Variants in KCNH5 observed in about 807,000 individuals in gnomAD.
The protein encoded by KCNH5 is potassium voltage-gated channel subfamily H member 5, also known as voltage-gated delayed rectifier potassium channel KCNH5.
Under a neutral mutation model 96.1 loss-of-function variants are expected in KCNH5, and 46 were observed. The ratio of observed to expected loss-of-function variants is 0.48; its 90% CI spans 0.38 to 0.61. KCNH5 has a LOEUF of 0.61. Ranked by LOEUF, KCNH5 falls within the 20% of genes least tolerant of loss-of-function variation. The probability of loss-of-function intolerance (pLI) is 0.00; values close to 1 mark genes in which losing one functional copy is unlikely to be tolerated. For missense variants in KCNH5, 907 were observed against 1,225.8 expected, an observed-to-expected ratio of 0.74 and a Z score of 3.88; for synonymous variants, 439 against 449.8, an observed-to-expected ratio of 0.98 and a Z score of 0.30.
chr14:62,954,298 G>A (rs1431459759), intron 6 of KCNH5, among the ~76,000 whole-genome samples: 1 of 152,058 alleles, frequency 6.6e-6, no homozygotes, highest in Non-Finnish European at 1.5e-5. Context: ...GGGAGAATTC[G>A]ATATCCTTCC....
At chr14:62,928,127 G>C (rs541282168) in intron 7 of KCNH5, among the ~76,000 whole-genome samples, 7 of 152,154 alleles carry the variant, frequency 4.6e-5, no homozygotes, top group African/African-American at 1.7e-4. Context: ...AATTCCAATA[G>C]GAGACCAGTG....
chr14:62,917,146 T>C (rs1049346165), intron 7 of KCNH5, among the ~76,000 whole-genome samples: 2 of 152,218 alleles, frequency 1.3e-5, no homozygotes. Flanking sequence ...GACACTTTGA[T>C]TTGCCATAGT....
intron 2 of KCNH5, among the ~76,000 whole-genome samples, chr14:63,013,757 C>A (rs530101118): frequency 6.6e-6 from 1 of 151,854 alleles, no homozygotes; most frequent in African/African-American, 2.4e-5. Context: ...CTTTTTTTTA[C>A]TTGATAATAT....
chr14:62,819,904 T>G (rs1887079025), intron 8 of KCNH5, among the ~76,000 whole-genome samples: 1 of 152,262 alleles, frequency 6.6e-6, no homozygotes, highest in Non-Finnish European at 1.5e-5. Flanking sequence ...TAGGCAAATT[T>G]GATCAAAATT....
chr14:62,854,211 T>G (rs1394657902), intron 7 of KCNH5, among the ~76,000 whole-genome samples: 2 of 152,102 alleles, frequency 1.3e-5, no homozygotes, highest in Non-Finnish European at 1.5e-5. Flanking sequence ...CCCCTAGGAA[T>G]GCAAATTCCA....
At chr14:62,893,363 C>T (rs1222268225) in intron 7 of KCNH5, among the ~76,000 whole-genome samples, 1 of 152,212 alleles carries the variant, frequency 6.6e-6, no homozygotes, top group Non-Finnish European at 1.5e-5. Flanking sequence ...CAAGGAGTTG[C>T]TTCTTACGGA....
chr14:63,006,421 T>TTGCC lies in KCNH5; in HGVS notation c.245_248dup (p.Thr84AlafsTer4). On this transcript the variant is annotated frameshift_variant, in exon 3 of 11. Coordinates refer to ENST00000322893, the MANE Select transcript of KCNH5 (RefSeq NM_139318.5). LOFTEE classifies it high-confidence loss of function. ...AGTTTGATTCGTAGTTGTCAAAAGT[T>TTGCC]TGCCTGACTTTCTCAATGGTCTTCT... 1 of 1,613,310 alleles carries TTGCC rather than the reference T, an allele frequency of 6.2e-7. No individual in the cohort carries two copies. The highest frequency in any genetic ancestry group is 8.5e-7 in the Non-Finnish European group (1 of 1,179,520).
At chr14:62,924,670 A>G (rs1014867360) in intron 7 of KCNH5, among the ~76,000 whole-genome samples, 4 of 152,022 alleles carry the variant, frequency 2.6e-5, no homozygotes, top group Non-Finnish European at 5.9e-5. Context: ...TTGCAATAAC[A>G]TGGATGAACC....
intron 4 of KCNH5, among the ~76,000 whole-genome samples, chr14:62,996,976 T>A (rs1234826141): frequency 3.3e-5 from 5 of 152,236 alleles, no homozygotes; most frequent in Non-Finnish European, 7.3e-5. Flanking sequence ...GCCAATTATT[T>A]CTCTTTTGTT....
intron 7 of KCNH5, among the ~76,000 whole-genome samples, chr14:62,853,780 C>T (rs914553105): frequency 6.6e-6 from 1 of 151,632 alleles, no homozygotes; most frequent in Non-Finnish European, 1.5e-5. Context: ...GAGGCCAAGG[C>T]AGGCGATCAC....
rs1442675432 is a variant in KCNH5, at chr14:62,950,235, G to A, written c.1267C>T (p.Leu423Phe). ...PSKDSLYVSSLYFTMTSLTTI... is the reference protein window; with the variant it reads ...PSKDSLYVSSFYFTMTSLTTI... ...GTAAGGCTTGTCATGGTAAAGTAGA[G>A]AGAGGACACGTACAATGAATCCTTG... The change falls in exon 7 of 11, where the codon CTC becomes TTC. Residue 423 changes from leucine to phenylalanine, a missense_variant. By Grantham distance (22) the Leu-to-Phe change is conservative. This residue lies in a region of KCNH5 where 370 missense variants were observed against 561.3 expected (regional missense o/e 0.66). Transcript: ENST00000322893. The A allele has an allele frequency of 6.2e-7, 1 of 1,613,924 alleles. No homozygotes were observed. Among genetic ancestry groups the A allele is most frequent in the Non-Finnish European group, 8.5e-7 (1 of 1,179,920 alleles).
intron 7 of KCNH5, among the ~76,000 whole-genome samples, chr14:62,909,437 A>T (rs1889107328): frequency 6.6e-6 from 1 of 152,222 alleles, no homozygotes; most frequent in African/African-American, 2.4e-5. Flanking sequence ...CAACATTGTA[A>T]AAGTCCTAAA....
chr14:62,862,127 T>C (rs750153080), intron 7 of KCNH5, among the ~76,000 whole-genome samples: 6 of 152,214 alleles, frequency 3.9e-5, no homozygotes, highest in Non-Finnish European at 8.8e-5. Flanking sequence ...AAATACAGAA[T>C]ATAACTTACA....
At chr14:62,732,531 T>G (rs1292885127) in intron 10 of KCNH5, among the ~76,000 whole-genome samples, 2 of 152,108 alleles carry the variant, frequency 1.3e-5, no homozygotes, top group Non-Finnish European at 2.9e-5. Context: ...TTGTTTCCTT[T>G]AAATTTGCAG....
chr14:62,895,723 A>G (rs1276741554), intron 7 of KCNH5, among the ~76,000 whole-genome samples: 3 of 152,220 alleles, frequency 2.0e-5, no homozygotes, highest in African/African-American at 4.8e-5. Context: ...TGACAAGGAG[A>G]CATTGAAAGT....
rs1566536789 is a variant in KCNH5, at chr14:63,003,515, T to TA, written c.305-2057_305-2056insT. On this transcript the variant is annotated intron_variant, in intron 3 of 10. Transcript: ENST00000322893. ...TATTATATATATATTTTATATATAT[T>TA]TTATATATTTTATATATATTATATA... 7.1e-3 allele frequency among the ~76,000 whole-genome samples: 816 copies of TA among 114,544 alleles called. 3 individuals carry two copies. Among genetic ancestry groups the TA allele is most frequent in the Middle Eastern group, 0.013 (3 of 238 alleles). The allele number at this position is 114,544 out of a possible 152,430, so 75.1% of individuals were successfully genotyped here. A position where few individuals can be genotyped will look rare whatever the true frequency, so the allele number is the denominator to read the frequency against.
chr14:62,802,628 C>T (rs376263043), intron 8 of KCNH5, 47 bp from the exon 9 acceptor site: 1 of 1,593,272 alleles, frequency 6.3e-7, no homozygotes, highest in African/African-American at 1.3e-5. Flanking sequence ...GAGGAAGGGG[C>T]CACTTCAGAA....
chr14:62,803,342 C>T (rs1000174528), intron 8 of KCNH5, among the ~76,000 whole-genome samples: 2 of 152,106 alleles, frequency 1.3e-5, no homozygotes, highest in Non-Finnish European at 2.9e-5. Context: ...TCAACAAAAG[C>T]ACCCTGGCAA....
intron 10 of KCNH5, among the ~76,000 whole-genome samples, chr14:62,735,135 C>T (rs7154742): frequency 1 from 152,294 of 152,298 alleles, 76,145 homozygotes; most frequent in Non-Finnish European, 1. Context: ...CCTATCAGAG[C>T]TCTTGCAGGA....
Sources: gnomAD v4.1 joint callset for allele counts (sites outside exome capture counted in the v4.1 genomes callset) on GRCh38, gnomAD v4.1.1 for gene constraint, gnomAD v4.1.1 regional missense constraint, MANE v1.5 for transcripts, NCBI Gene and HGNC (gene_info 2026-07-23, HGNC 2026-07-21) for gene names.